Variants in NICOL1 observed in about 807,000 individuals in gnomAD.
The protein encoded by NICOL1 is NELL2-interacting cell ontogeny regulator 1.
chr4:2,042,401 CGCT>C, the NICOL1 span: 6 of 426,452 alleles, frequency 1.4e-5, no homozygotes, highest in South Asian at 4.0e-5. Flanking sequence ...CCGCCGCCGC[CGCT>C]GCTGCTGCTG....
the NICOL1 span, chr4:2,041,905 A>G: frequency 7.5e-7 from 1 of 1,329,608 alleles, no homozygotes; most frequent in Non-Finnish European, 9.8e-7. Context: ...GGAGCGTCCT[A>G]GGTTCCTCTA....
the NICOL1 span, chr4:2,041,982 CG>C: frequency 1.4e-6 from 2 of 1,456,618 alleles, no homozygotes; most frequent in Non-Finnish European, 1.8e-6. Flanking sequence ...CGGGCGGGGT[CG>C]GGTCGGAGCG....
the NICOL1 span, chr4:2,042,127 G>C: frequency 4.7e-5 from 69 of 1,467,902 alleles, no homozygotes; most frequent in South Asian, 8.6e-4. Flanking sequence ...GCGCGGACTA[G>C]AGGCTCGCTG....
the NICOL1 span, chr4:2,042,040 G>A: frequency 2.0e-6 from 3 of 1,477,826 alleles, no homozygotes; most frequent in South Asian, 1.3e-5. Context: ...GTGTCCCCGC[G>A]CTGCTGGTCC....
At chr4:2,038,395 C>T in the NICOL1 span, among the ~76,000 whole-genome samples, 3 of 151,268 alleles carry the variant, frequency 2.0e-5, no homozygotes, top group African/African-American at 2.4e-5. Context: ...TAAAGGGATC[C>T]TCCTGCCTCA....
At chr4:2,042,920 C>T in the NICOL1 span, 1 of 780,066 alleles carries the variant, frequency 1.3e-6, no homozygotes, top group Non-Finnish European at 1.9e-6. Context: ...GTGGAGTGTC[C>T]CTCATCCTTC....
the NICOL1 span, chr4:2,043,731 G>T: frequency 1.5e-6 from 1 of 683,148 alleles, no homozygotes; most frequent in Non-Finnish European, 2.5e-6. Context: ...GGGTGTGGGG[G>T]TTAGAGCCAG....
chr4:2,041,156 G>T, the NICOL1 span, among the ~76,000 whole-genome samples: 4 of 148,930 alleles, frequency 2.7e-5, 1 homozygote, highest in African/African-American at 7.4e-5. Context: ...GGGGTGGGGG[G>T]GGAGCGGGGG....
chr4:2,039,772 G>T, the NICOL1 span, among the ~76,000 whole-genome samples: 1 of 152,056 alleles, frequency 6.6e-6, no homozygotes, highest in Admixed American at 6.5e-5. Context: ...CCCGGGAGGT[G>T]GAGGTCGCAG....
the NICOL1 span, among the ~76,000 whole-genome samples, chr4:2,039,638 C>T: frequency 5.3e-5 from 8 of 151,956 alleles, no homozygotes; most frequent in African/African-American, 1.9e-4. Flanking sequence ...AGTTCGAGAC[C>T]AGCCTGCCCA....
At chr4:2,042,811 G>A in the NICOL1 span, 1 of 1,498,260 alleles carries the variant, frequency 6.7e-7, no homozygotes, top group South Asian at 1.2e-5. Context: ...ACAGCCTGCA[G>A]CCTGGACGCG....
chr4:2,036,960 C>T, the NICOL1 span, among the ~76,000 whole-genome samples: 8 of 151,968 alleles, frequency 5.3e-5, no homozygotes, highest in African/African-American at 1.7e-4. Flanking sequence ...TCTATGTCGC[C>T]ACTCAAATCT....
chr4:2,041,290 G>T, the NICOL1 span, among the ~76,000 whole-genome samples: 1 of 152,118 alleles, frequency 6.6e-6, no homozygotes, highest in Non-Finnish European at 1.5e-5. Flanking sequence ...GCCCAGATTC[G>T]CACTTGCCGG....
At chr4:2,037,249 C>T in the NICOL1 span, among the ~76,000 whole-genome samples, 11 of 152,156 alleles carry the variant, frequency 7.2e-5, no homozygotes, top group Non-Finnish European at 1.3e-4. Context: ...TCAAGGAAAC[C>T]CTTTCTTCAT....
chr4:2,043,841 C>T, the NICOL1 span: 10 of 1,547,026 alleles, frequency 6.5e-6, no homozygotes, highest in African/African-American at 1.4e-5. Flanking sequence ...TGCACCCTCA[C>T]CCCTCTTGTT....
the NICOL1 span, among the ~76,000 whole-genome samples, chr4:2,039,919 A>C: frequency 6.6e-6 from 1 of 152,156 alleles, no homozygotes; most frequent in African/African-American, 2.4e-5. Context: ...TATGAGAAAA[A>C]TTATAAGAAA....
At chr4:2,041,845 C>G in the NICOL1 span, 2 of 805,502 alleles carry the variant, frequency 2.5e-6, no homozygotes, top group East Asian at 6.7e-5. Context: ...TGGGCCTGGA[C>G]GCTGCTCCCG....
the NICOL1 span, among the ~76,000 whole-genome samples, chr4:2,038,452 T>G: frequency 6.6e-6 from 1 of 151,566 alleles, no homozygotes; most frequent in Non-Finnish European, 1.5e-5. Flanking sequence ...CACATTCAGA[T>G]ACTTTTTAAA....
At chr4:2,040,382 G>T in the NICOL1 span, among the ~76,000 whole-genome samples, 1 of 152,218 alleles carries the variant, frequency 6.6e-6, no homozygotes, top group South Asian at 2.1e-4. Context: ...GCTGGGATTA[G>T]ATTGTCCGTG....
Sources: allele counts gnomAD v4.1 joint callset (sites outside exome capture counted in the v4.1 genomes callset), GRCh38; gene constraint gnomAD v4.1.1; transcripts MANE v1.5; gene names NCBI Gene and HGNC (gene_info 2026-07-23, HGNC 2026-07-21).